The following SLC9A4 variants were observed in gnomAD, a reference collection of about 807,000 sequenced individuals.
SLC9A4 encodes sodium/hydrogen exchanger 4.
In SLC9A4, 63 loss-of-function variants were observed where a neutral mutation model predicts 67.4. That is an observed-to-expected ratio of 0.93 (90% CI 0.76 to 1.15). The LOEUF (loss-of-function observed/expected upper bound fraction) is 1.15, where lower values mean the gene tolerates loss of function less well. Ranked by LOEUF, SLC9A4 falls within the 50% of genes most tolerant of loss-of-function variation. The pLI, the probability that SLC9A4 is intolerant of heterozygous loss-of-function variation, is 0.00. For missense variants in SLC9A4, 1,089 were observed against 987.7 expected, an observed-to-expected ratio of 1.10 and a Z score of -1.38; for synonymous variants, 393 against 367.2, an observed-to-expected ratio of 1.07 and a Z score of -0.80.
At chr2:102,489,758 C>CT (rs988114002) in intron 2 of SLC9A4, among the ~76,000 whole-genome samples, 1 of 152,136 alleles carries the variant, frequency 6.6e-6, no homozygotes, top group African/African-American at 2.4e-5. Context: ...GGCTTCAGGT[C>CT]TTTTTTTCCC....
At chr2:102,495,792 A>G (rs185305762) in intron 2 of SLC9A4, among the ~76,000 whole-genome samples, 1 of 152,282 alleles carries the variant, frequency 6.6e-6, no homozygotes, top group Non-Finnish European at 1.5e-5. Flanking sequence ...AATGGTACTG[A>G]AAAACTCTGG....
At chr2:102,493,463 G>A (rs1684745481) in intron 2 of SLC9A4, among the ~76,000 whole-genome samples, 1 of 151,878 alleles carries the variant, frequency 6.6e-6, no homozygotes, top group Admixed American at 6.5e-5. Context: ...CATGGTGGCA[G>A]GCAAGAGAGC....
chr2:102,500,161 G>T (rs1377342431), intron 2 of SLC9A4, among the ~76,000 whole-genome samples: 1 of 152,150 alleles, frequency 6.6e-6, no homozygotes, highest in Non-Finnish European at 1.5e-5. Context: ...TTATAAGAAG[G>T]TGATATGACA....
Position 102,511,181 on chromosome 2 carries a change from A to T in SLC9A4, c.1489-1022A>T, listed in dbSNP as rs551859510. ...ACTGATGAATGATGAAGTCTTCCAA[A>T]ATCTACCCTAAAGTTCATGGTCAAA... On this transcript the variant is annotated intron_variant, in intron 6 of 11. Coordinates refer to ENST00000295269, the MANE Select transcript of SLC9A4 (RefSeq NM_001011552.4). Among the ~76,000 whole-genome samples, 25 of 152,318 alleles carry T rather than the reference A, an allele frequency of 1.6e-4. No individual in the cohort carries two copies. In the South Asian group the frequency reaches 2.5e-3, roughly 15 times the overall value.
intron 1 of SLC9A4, among the ~76,000 whole-genome samples, chr2:102,474,865 G>GAGAT (rs1364216390): frequency 6.6e-6 from 1 of 152,200 alleles, no homozygotes; most frequent in Non-Finnish European, 1.5e-5. Flanking sequence ...TTGCCTTATT[G>GAGAT]AGATAGAATC....
chr2:102,532,562 G>A lies in SLC9A4; in HGVS notation c.2271G>A (p.Glu757=), dbSNP rs1243715695. Residue 757 remains glutamate (E), a synonymous_variant, in exon 12 of 12, where the codon GAG becomes GAA. Coordinates refer to ENST00000295269, the MANE Select transcript of SLC9A4 (RefSeq NM_001011552.4). ...PKPLFHAVDE[E]GESGGESEGK... ...CTCTGTTTCATGCAGTGGATGAGGA[G>A]GGTGAGTCTGGAGGGGAGAGTGAGG... 2.5e-6 allele frequency: 4 copies of A among 1,614,084 alleles called. No individual in the cohort carries two copies. Among genetic ancestry groups the A allele is most frequent in the East Asian group, 2.2e-5 (1 of 44,880 alleles).
At chr2:102,528,725 A>G (rs1674717885) in intron 11 of SLC9A4, among the ~76,000 whole-genome samples, 1 of 152,218 alleles carries the variant, frequency 6.6e-6, no homozygotes, top group African/African-American at 2.4e-5. Flanking sequence ...GGTTTATTCC[A>G]GAATTTGAGA....
intron 5 of SLC9A4, 139 bp from the exon 6 acceptor site, chr2:102,508,708 A>G: frequency 1.6e-6 from 1 of 615,056 alleles, no homozygotes; most frequent in South Asian, 2.4e-5. Flanking sequence ...ACTGAAATGA[A>G]CATTGCAGCA....
At chr2:102,517,927 ATCAC>A (rs1685310540) in intron 8 of SLC9A4, among the ~76,000 whole-genome samples, 1 of 152,192 alleles carries the variant, frequency 6.6e-6, no homozygotes, top group Non-Finnish European at 1.5e-5. Context: ...TATAGAAATG[ATCAC>A]TCATTCAGTT....
At chr2:102,501,444 C>G (rs1436984468) in intron 2 of SLC9A4, among the ~76,000 whole-genome samples, 1 of 151,976 alleles carries the variant, frequency 6.6e-6, no homozygotes, top group Non-Finnish European at 1.5e-5. Flanking sequence ...GGGGTTTCAC[C>G]ACGTTGGCAA....
At chr2:102,504,468 A>G (rs1482595686) in intron 3 of SLC9A4, among the ~76,000 whole-genome samples, 9 of 152,232 alleles carry the variant, frequency 5.9e-5, no homozygotes, top group African/African-American at 1.9e-4. Flanking sequence ...CTAGAAATCT[A>G]CATTTCCTTG....
At chr2:102,491,699 T>A (rs1684705984) in intron 2 of SLC9A4, among the ~76,000 whole-genome samples, 1 of 152,132 alleles carries the variant, frequency 6.6e-6, no homozygotes, top group Admixed American at 6.5e-5. Context: ...TCATATTGTT[T>A]TACCGCTGTC....
intron 2 of SLC9A4, among the ~76,000 whole-genome samples, chr2:102,487,256 A>T (rs921293488): frequency 6.6e-6 from 1 of 152,114 alleles, no homozygotes; most frequent in Non-Finnish European, 1.5e-5. Flanking sequence ...AGAGAGAGAG[A>T]TGCAGCAACC....
intron 4 of SLC9A4, among the ~76,000 whole-genome samples, chr2:102,506,667 C>T (rs764119317): frequency 7.9e-5 from 12 of 152,068 alleles, no homozygotes; most frequent in Admixed American, 1.3e-4. Flanking sequence ...TTCTTAGTTC[C>T]CTTTCAGTTC....
intron 2 of SLC9A4, among the ~76,000 whole-genome samples, chr2:102,492,097 C>A (rs942636199): frequency 6.6e-6 from 1 of 152,242 alleles, no homozygotes; most frequent in East Asian, 1.9e-4. Flanking sequence ...GGCAGCTCTG[C>A]CCCTGTGGCT....
chr2:102,523,192 C>T (rs1674578503), intron 9 of SLC9A4, among the ~76,000 whole-genome samples: 3 of 151,516 alleles, frequency 2.0e-5, no homozygotes, highest in African/African-American at 7.3e-5. Flanking sequence ...TCAGGTTGGT[C>T]TCAAACTCCT....
At chr2:102,491,495 G>A (rs1684699181) in intron 2 of SLC9A4, among the ~76,000 whole-genome samples, 1 of 151,992 alleles carries the variant, frequency 6.6e-6, no homozygotes. Context: ...CATGGTAGCA[G>A]GCAAGAGAGC....
At chr2:102,493,649 A>G (rs1276737944) in intron 2 of SLC9A4, among the ~76,000 whole-genome samples, 1 of 151,860 alleles carries the variant, frequency 6.6e-6, no homozygotes, top group Non-Finnish European at 1.5e-5. Flanking sequence ...GGGTGGGGAC[A>G]CAGCCAAACC....
intron 1 of SLC9A4, among the ~76,000 whole-genome samples, chr2:102,478,260 G>A (rs1684374374): frequency 6.6e-6 from 1 of 152,228 alleles, no homozygotes; most frequent in South Asian, 2.1e-4. Flanking sequence ...TAGGTGTAGT[G>A]AGTGAGAGTC....
Sources: gnomAD v4.1 joint callset for allele counts (sites outside exome capture counted in the v4.1 genomes callset) on GRCh38, gnomAD v4.1.1 for gene constraint, MANE v1.5 for transcripts, NCBI Gene and HGNC (gene_info 2026-07-23, HGNC 2026-07-21) for gene names.